IFT74: variants seen among roughly 807,000 people sequenced by gnomAD.
IFT74 encodes intraflagellar transport protein 74 homolog.
Under a neutral mutation model 96.7 loss-of-function variants are expected in IFT74, and 92 were observed. That is an observed-to-expected ratio of 0.95 (90% CI 0.80 to 1.13). The LOEUF is 1.13. Among genes scored for constraint, IFT74 ranks in the 50% most tolerant of loss-of-function variants. The probability of loss-of-function intolerance (pLI) is 0.00; values close to 1 mark genes in which losing one functional copy is unlikely to be tolerated. For missense variants in IFT74, 811 were observed against 698.2 expected (o/e 1.16, Z -1.82); for synonymous variants, 223 against 213.2 (o/e 1.05, Z -0.40).
chr9:27,023,784 C>T (rs927139021), intron 12 of IFT74, among the ~76,000 whole-genome samples: 5 of 152,120 alleles, frequency 3.3e-5, no homozygotes, highest in Admixed American at 3.3e-4. Context: ...GGCCTGAAAC[C>T]ACCCCTTCCA....
chr9:26,966,341 T>C (rs1419154437), intron 2 of IFT74, among the ~76,000 whole-genome samples: 1 of 152,092 alleles, frequency 6.6e-6, no homozygotes, highest in African/African-American at 2.4e-5. Flanking sequence ...CATTTGCTAT[T>C]GCCTTTCTTT....
At chr9:27,041,977 C>T (rs997828365) in intron 13 of IFT74, among the ~76,000 whole-genome samples, 10 of 152,270 alleles carry the variant, frequency 6.6e-5, no homozygotes, top group Middle Eastern at 3.4e-3. Context: ...TTACATCTTC[C>T]AGCTCAATCT....
In IFT74 at chr9:27,027,289, A is replaced by T. The variant is rs556484617; in HGVS notation, c.975-1736A>T. On this transcript the variant is annotated intron_variant, in intron 12 of 19. Coordinates refer to ENST00000380062, the MANE Select transcript of IFT74 (RefSeq NM_025103.4). ...AAGAAATAGAAACTCTGAACAGACC[A>T]TTAACGAGCAGTGAGATTGAAATGG... Among the ~76,000 whole-genome samples, 4 of 152,276 alleles carry T rather than the reference A, an allele frequency of 2.6e-5. No homozygotes were observed. In the East Asian group the frequency reaches 5.8e-4, roughly 22 times the overall value.
chr9:27,026,445 G>A (rs1038567423), intron 12 of IFT74, among the ~76,000 whole-genome samples: 1 of 152,008 alleles, frequency 6.6e-6, no homozygotes, highest in Non-Finnish European at 1.5e-5. Context: ...AAGAAACAAT[G>A]GATTTAAATT....
At chr9:27,033,843 A>C (rs1322109804) in intron 13 of IFT74, among the ~76,000 whole-genome samples, 1 of 152,344 alleles carries the variant, frequency 6.6e-6, no homozygotes, top group East Asian at 1.9e-4. Flanking sequence ...TTCTTCCCAG[A>C]AAAGGTTGTA....
In IFT74 at chr9:26,997,713, A is replaced by G. The variant is rs755266671; in HGVS notation, c.587+7518A>G. 2.5e-5 allele frequency: 39 copies of G among 1,572,408 alleles called. No individual in the cohort carries two copies. The Admixed American group carries it at 7.3e-4, about 29-fold the overall frequency. ...GTTAATCACATTTTGGTTTTGCTTA[A>G]TTATGATAGCTTACCTAATGTCACA... On this transcript the variant is annotated intron_variant, in intron 8 of 19. Coordinates refer to ENST00000380062, the MANE Select transcript of IFT74 (RefSeq NM_025103.4).
At chr9:27,032,475 A>T (rs1563989686) in intron 13 of IFT74, among the ~76,000 whole-genome samples, 1 of 151,864 alleles carries the variant, frequency 6.6e-6, no homozygotes, top group African/African-American at 2.4e-5. Flanking sequence ...TTTTAAAAAG[A>T]TTTTTTTTGT....
chr9:26,955,752 T>A (rs1826061193), upstream of IFT74: 1 of 151,786 alleles, frequency 6.6e-6, no homozygotes, highest in Non-Finnish European at 1.5e-5. Flanking sequence ...ACATTTAAGC[T>A]GTTATCAATG....
At chr9:27,039,545 A>G (rs1271624037) in intron 13 of IFT74, among the ~76,000 whole-genome samples, 3 of 152,210 alleles carry the variant, frequency 2.0e-5, no homozygotes, top group Non-Finnish European at 4.4e-5. Context: ...AAATAAAAAT[A>G]AAACAAAAAG....
At chr9:27,043,836 C>A (rs1011780874) in intron 13 of IFT74, among the ~76,000 whole-genome samples, 14 of 152,178 alleles carry the variant, frequency 9.2e-5, no homozygotes, top group African/African-American at 2.9e-4. Context: ...CAATTACCAC[C>A]GCTCTACTCA....
chr9:27,044,210 C>G (rs1479564303), intron 13 of IFT74, among the ~76,000 whole-genome samples: 2 of 152,156 alleles, frequency 1.3e-5, no homozygotes, highest in African/African-American at 2.4e-5. Flanking sequence ...CCAGGTAACT[C>G]CTACTATTCT....
intron 12 of IFT74, among the ~76,000 whole-genome samples, chr9:27,021,750 G>A (rs1018893002): frequency 1.3e-5 from 2 of 152,084 alleles, no homozygotes; most frequent in Non-Finnish European, 2.9e-5. Context: ...CAGATGCACA[G>A]TTTAGGAAAG....
At chr9:27,023,685 G>A (rs1420800299) in intron 12 of IFT74, among the ~76,000 whole-genome samples, 1 of 152,072 alleles carries the variant, frequency 6.6e-6, no homozygotes, top group Non-Finnish European at 1.5e-5. Context: ...ATGATTTAAG[G>A]AAGATTCCCT....
In IFT74 at chr9:27,027,808, A is replaced by G. The variant is rs114788934; in HGVS notation, c.975-1217A>G. Among the ~76,000 whole-genome samples, 940 of 152,196 alleles carry G rather than the reference A, an allele frequency of 6.2e-3. 13 individuals carry two copies. The highest frequency in any genetic ancestry group is 0.021 in the African/African-American group (887 of 41,524). On this transcript the variant is annotated intron_variant, in intron 12 of 19. Transcript: ENST00000380062. ...GTCTTTGGAAGCATAAAAGTTTCCA[A>G]TTTTGATTTTGTCCAGTTTTTCTAT...
chr9:27,023,767 C>T (rs1829723602), intron 12 of IFT74, among the ~76,000 whole-genome samples: 1 of 152,118 alleles, frequency 6.6e-6, no homozygotes, highest in South Asian at 2.1e-4. Flanking sequence ...TTGAACATAA[C>T]TTCTTTGGCC....
upstream of IFT74, chr9:26,956,100 T>A (rs1357463304): frequency 6.6e-6 from 1 of 152,330 alleles, no homozygotes; most frequent in East Asian, 1.9e-4. Flanking sequence ...TGTAACCTGT[T>A]AACAACGTTA....
At chr9:27,040,085 G>A (rs138519405) in intron 13 of IFT74, among the ~76,000 whole-genome samples, 98 of 152,238 alleles carry the variant, frequency 6.4e-4, no homozygotes, top group East Asian at 5.8e-3. Context: ...CCTTGAAAAC[G>A]GCTGAAATCC....
In IFT74 at chr9:27,055,724, A is replaced by C; in HGVS notation, c.1449A>C (p.Ile483=). The C allele has an allele frequency of 6.3e-7, 1 of 1,576,470 alleles. No individual in the cohort carries two copies. Among genetic ancestry groups the C allele is most frequent in the African/African-American group, 1.4e-5 (1 of 72,682 alleles). ...AGCAAATGACAACTGATCTGGAGAT[A>C]TATAATGATTTGCCAGCTTTAAAAT... ...KIKQMTTDLE[I]YNDLPALKSS... is the part of the protein sequence containing the mutation. The change falls in exon 17 of 20, where the codon ATA becomes ATC. Residue 483 remains isoleucine, a synonymous_variant. Transcript: ENST00000380062.
In IFT74 at chr9:27,005,352, T is replaced by TCCCC. The variant is rs1443234170; in HGVS notation, c.588-3663_588-3660dup. ...ATTTGATTGGCTAGATGAAACCATT[T>TCCCC]CCCCCCCCGCCCCCCGCAAAACAAT... On this transcript the variant is annotated intron_variant, in intron 8 of 19. Transcript: ENST00000380062. Among the ~76,000 whole-genome samples, 44 of 18,936 alleles carry TCCCC rather than the reference T, an allele frequency of 2.3e-3. 1 individual carries two copies. The East Asian group carries it at 0.024, about 10-fold the overall frequency. The allele number at this position is 18,936 out of a possible 152,430, so 12.4% of individuals were successfully genotyped here.
Sources: allele counts gnomAD v4.1 joint callset (sites outside exome capture counted in the v4.1 genomes callset), GRCh38; gene constraint gnomAD v4.1.1; transcripts MANE v1.5; gene names NCBI Gene and HGNC (gene_info 2026-07-23, HGNC 2026-07-21).